Variants in RASEF observed in about 807,000 individuals in gnomAD.
RASEF encodes the protein RAS and EF-hand domain containing.
A neutral mutation model predicts 90.1 loss-of-function variants in RASEF; 68 were observed. The ratio of observed to expected loss-of-function variants is 0.75; its 90% CI spans 0.62 to 0.92. The LOEUF (loss-of-function observed/expected upper bound fraction) is 0.92. Among genes scored for constraint, RASEF ranks in the 40% least tolerant of loss-of-function variants. The pLI, the probability that RASEF is intolerant of heterozygous loss-of-function variation, is 0.00. For missense variants in RASEF, 949 were observed against 937.2 expected (o/e 1.01, Z -0.16); for synonymous variants, 331 against 345.2 (o/e 0.96, Z 0.46).
the RASEF span, among the ~76,000 whole-genome samples, chr9:83,196,273 A>C: frequency 6.6e-6 from 1 of 152,176 alleles, no homozygotes; most frequent in African/African-American, 2.4e-5. Flanking sequence ...GAAACAGCAG[A>C]GTTAAGATAA....
chr9:83,062,914 G>T lies in RASEF; in HGVS notation c.-47C>A. 1 of 1,388,482 alleles carries T rather than the reference G, an allele frequency of 7.2e-7. No homozygotes were observed. The highest frequency in any genetic ancestry group is 9.2e-7 in the Non-Finnish European group (1 of 1,082,684). The allele number at this position is 1,388,482 out of a possible 1,614,324, so 86.0% of individuals were successfully genotyped here. A position where few individuals can be genotyped will look rare whatever the true frequency, so the allele number is the denominator to read the frequency against. On this transcript the variant is annotated 5_prime_UTR_variant, in exon 1 of 17. Transcript: ENST00000376447. Reference sequence around the variant, plus strand: ...AGAGGGCTCCGGAGCGCCGCGGGGCGCAGGGCCCTCCCTGGAAGGACGGGG... The same window carrying T: ...AGAGGGCTCCGGAGCGCCGCGGGGCTCAGGGCCCTCCCTGGAAGGACGGGG...
chr9:82,987,562 C>CA (rs1361997379), intron 16 of RASEF, among the ~76,000 whole-genome samples: 1 of 152,052 alleles, frequency 6.6e-6, no homozygotes, highest in African/African-American at 2.4e-5. Flanking sequence ...CACACAGGAG[C>CA]AGATGGGGAG....
At chr9:83,169,987 C>G in the RASEF span, among the ~76,000 whole-genome samples, 12 of 152,102 alleles carry the variant, frequency 7.9e-5, no homozygotes, top group South Asian at 2.1e-3. Flanking sequence ...AGGTCTAACT[C>G]AAGAAATCTT....
chr9:83,001,180 G>A (rs1172302519), intron 9 of RASEF, 50 bp from the exon 10 acceptor site: 1 of 1,350,610 alleles, frequency 7.4e-7, no homozygotes, highest in Admixed American at 1.8e-5. Context: ...AAATGCTCAA[G>A]AACATACAGG....
At chr9:83,081,640 G>T in the RASEF span, among the ~76,000 whole-genome samples, 5 of 152,138 alleles carry the variant, frequency 3.3e-5, no homozygotes, top group Admixed American at 1.3e-4. Context: ...TTCAACCACC[G>T]TTGGAAGTTC....
the RASEF span, among the ~76,000 whole-genome samples, chr9:83,102,830 G>T: frequency 2.0e-5 from 3 of 152,186 alleles, no homozygotes; most frequent in Non-Finnish European, 2.9e-5. Context: ...GGAAAGGTAA[G>T]AGCTAGATAA....
chr9:83,149,488 C>A, the RASEF span, among the ~76,000 whole-genome samples: 1 of 152,020 alleles, frequency 6.6e-6, no homozygotes, highest in Non-Finnish European at 1.5e-5. Flanking sequence ...CTGCCCCAGG[C>A]AAAGGAAATG....
chr9:83,137,685 G>A, the RASEF span, among the ~76,000 whole-genome samples: 8 of 151,818 alleles, frequency 5.3e-5, no homozygotes, highest in Non-Finnish European at 1.0e-4. Flanking sequence ...ATATGGAAAC[G>A]CATGAAAAGG....
At chr9:82,990,510 G>T in intron 15 of RASEF, 43 bp from the exon 16 acceptor site, 7 of 1,404,156 alleles carry the variant, frequency 5.0e-6, no homozygotes, top group Non-Finnish European at 6.0e-6. Context: ...GCCCTTCATT[G>T]AGTTTCCTGA....
At chr9:83,162,298 G>A in the RASEF span, among the ~76,000 whole-genome samples, 1 of 152,064 alleles carries the variant, frequency 6.6e-6, no homozygotes, top group East Asian at 1.9e-4. Flanking sequence ...GAAGATAACA[G>A]AAACTTTTAT....
intron 3 of RASEF, among the ~76,000 whole-genome samples, chr9:83,018,962 A>T (rs977315335): frequency 6.6e-5 from 10 of 151,578 alleles, no homozygotes; most frequent in Non-Finnish European, 1.2e-4. Flanking sequence ...ATATCTACAT[A>T]AAAAAAATAT....
chr9:83,169,557 T>A, the RASEF span, among the ~76,000 whole-genome samples: 1 of 151,906 alleles, frequency 6.6e-6, no homozygotes, highest in African/African-American at 2.4e-5. Flanking sequence ...TGGGTTTTTG[T>A]TTGGTTGGTT....
chr9:82,985,876 A>C (rs1828701530), intron 16 of RASEF, among the ~76,000 whole-genome samples: 1 of 152,196 alleles, frequency 6.6e-6, no homozygotes, highest in Non-Finnish European at 1.5e-5. Flanking sequence ...TAGATTCCAG[A>C]GAAAGGGAAT....
intron 1 of RASEF, among the ~76,000 whole-genome samples, chr9:83,026,568 G>A (rs1401693473): frequency 2.0e-5 from 3 of 151,976 alleles, no homozygotes; most frequent in Non-Finnish European, 2.9e-5. Flanking sequence ...AGAACAGTAC[G>A]GGGGAAACCG....
At chr9:82,985,671 A>G (rs1442459205) in intron 16 of RASEF, among the ~76,000 whole-genome samples, 4 of 152,344 alleles carry the variant, frequency 2.6e-5, no homozygotes, top group Middle Eastern at 3.4e-3. Context: ...CCTGAGGCAG[A>G]AATTCTTGCA....
At chr9:83,215,113 T>G in the RASEF span, among the ~76,000 whole-genome samples, 1 of 151,546 alleles carries the variant, frequency 6.6e-6, no homozygotes, top group African/African-American at 2.4e-5. Context: ...TGGGGGTAGT[T>G]GGAGAGGAGT....
chr9:83,118,531 T>A, the RASEF span, among the ~76,000 whole-genome samples: 2,149 of 152,330 alleles, frequency 0.014, 26 homozygotes, highest in Admixed American at 0.02. Flanking sequence ...AGAAAACATA[T>A]TTTCATTTCA....
chr9:82,989,602 C>T lies in RASEF; in HGVS notation c.2117+789G>A, dbSNP rs189067005. ...TTTACTAGCAGAAAAGGCCAATTAT[C>T]ATACTAAAATTAAGATTCTTATAAA... On this transcript the variant is annotated intron_variant, in intron 16 of 16. Coordinates refer to ENST00000376447, the MANE Select transcript of RASEF (RefSeq NM_152573.4). 4.2e-4 allele frequency among the ~76,000 whole-genome samples: 64 copies of T among 152,238 alleles called. No individual in the cohort carries two copies. The East Asian group carries it at 0.01, about 25-fold the overall frequency.
At chr9:83,115,976 A>G in the RASEF span, among the ~76,000 whole-genome samples, 1 of 152,190 alleles carries the variant, frequency 6.6e-6, no homozygotes. Flanking sequence ...TAACAAAGAA[A>G]TAGAAAAAGT....
Sources: gnomAD v4.1 joint callset for allele counts (sites outside exome capture counted in the v4.1 genomes callset) on GRCh38, gnomAD v4.1.1 for gene constraint, MANE v1.5 for transcripts, NCBI Gene and HGNC (gene_info 2026-07-23, HGNC 2026-07-21) for gene names.